Variants in TAF6L observed in about 807,000 individuals in gnomAD.
TAF6L encodes TATA-box binding protein associated factor 6 like, also known as TAF6-like RNA polymerase II p300/CBP-associated factor-associated factor 65 kDa subunit 6L.
TAF6L carries 34 observed loss-of-function variants against 57.3 expected under a neutral mutation model. That is an observed-to-expected ratio of 0.59 (90% confidence interval 0.45 to 0.79). TAF6L has a LOEUF of 0.79. Among genes scored for constraint, TAF6L ranks in the 30% least tolerant of loss-of-function variants. The pLI is 0.00. For synonymous variants in TAF6L, 417 were observed against 376.3 expected (o/e 1.11, Z -1.25); for missense variants, 782 against 853.2 (o/e 0.92, Z 1.04).
rs202236001 is a variant in TAF6L, at chr11:62,782,828, G to A, written c.960+3G>A. ...GGCTGCATGCTCTTGGCTGGAAGGT[G>A]AGCACCCTGGCCTTTCTCACACAGC... On this transcript the variant is annotated splice_donor_region_variant and intron_variant, in intron 9 of 10. Coordinates refer to ENST00000294168, the MANE Select transcript of TAF6L (RefSeq NM_006473.4). 29 of 1,613,984 alleles carry A rather than the reference G, an allele frequency of 1.8e-5. No homozygotes were observed. The Admixed American group carries it at 2.8e-4, about 16-fold the overall frequency.
intron 2 of TAF6L, among the ~76,000 whole-genome samples, chr11:62,776,148 T>C (rs2084186646): frequency 6.6e-6 from 1 of 152,170 alleles, no homozygotes; most frequent in African/African-American, 2.4e-5. Context: ...AACAGCCCTG[T>C]TGGGCAGGCA....
chr11:62,784,541 C>T (rs1372065743), intron 9 of TAF6L, among the ~76,000 whole-genome samples: 1 of 152,024 alleles, frequency 6.6e-6, no homozygotes, highest in Non-Finnish European at 1.5e-5. Context: ...CTCCTGGCCT[C>T]ATGATCCGCC....
chr11:62,779,622 G>A (rs551220195), intron 6 of TAF6L, among the ~76,000 whole-genome samples: 1 of 149,154 alleles, frequency 6.7e-6, no homozygotes, highest in Non-Finnish European at 1.5e-5. Flanking sequence ...CACTGTGCCC[G>A]GCCTAATTCT....
chr11:62,774,775 C>G (rs949430978), intron 1 of TAF6L: 6 of 368,612 alleles, frequency 1.6e-5, no homozygotes, highest in Non-Finnish European at 2.8e-5. Flanking sequence ...ATGGCGAAAT[C>G]TTGTTTCTAC....
At chr11:62,784,475 T>TTTTTGTATTTTTAG (rs2134722885) in intron 9 of TAF6L, among the ~76,000 whole-genome samples, 1 of 150,858 alleles carries the variant, frequency 6.6e-6, no homozygotes, top group East Asian at 2.0e-4. Flanking sequence ...CCCGGCTAAT[T>TTTTTGTATTTTTAG]TTTTGTATTT....
rs753182028 is a variant in TAF6L, at chr11:62,778,027, G to A, written c.284G>A (p.Arg95Lys). Residue 95 changes from arginine (R) to lysine (K), a missense_variant, in exon 4 of 11, where the codon AGG becomes AAG. Coordinates refer to ENST00000294168, the MANE Select transcript of TAF6L (RefSeq NM_006473.4). ...SQEALPMRPA[R>K]EGELYFPEDR... The stretch of plus-strand genomic sequence containing the variant: ...GAGGCACTGCCCATGCGCCCCGCCA[G>A]GGAGGGTGAACTCTACTTTCCTGAG... 2 of 1,614,092 alleles carry A rather than the reference G, an allele frequency of 1.2e-6. No homozygotes were observed. Among genetic ancestry groups the A allele is most frequent in the African/African-American group, 1.3e-5 (1 of 74,922 alleles).
At chr11:62,783,490 A>T (rs1288930171) in intron 9 of TAF6L, among the ~76,000 whole-genome samples, 3 of 151,950 alleles carry the variant, frequency 2.0e-5, no homozygotes, top group African/African-American at 7.2e-5. Flanking sequence ...TCAAAAAAAA[A>T]AAAAAGTTAG....
In TAF6L at chr11:62,786,305, A is replaced by G; in HGVS notation, c.1006A>G (p.Asn336Asp). 1 of 1,614,172 alleles carries G rather than the reference A, an allele frequency of 6.2e-7. No homozygotes were observed. Among genetic ancestry groups the G allele is most frequent in the Non-Finnish European group, 8.5e-7 (1 of 1,180,008 alleles). The part of the protein sequence containing the change: ...LYPHLSTYWT[N>D]LQAVLDDYSV... ...CCCACACCTGTCCACCTACTGGACA[A>G]ACTTGCAGGCTGTGCTGGATGATTA... The change falls in exon 10 of 11, where the codon AAC becomes GAC. Residue 336 changes from asparagine to aspartate, a missense_variant. Transcript: ENST00000294168.
chr11:62,777,645 G>T (rs1390239971), intron 3 of TAF6L, among the ~76,000 whole-genome samples: 1 of 152,206 alleles, frequency 6.6e-6, no homozygotes, highest in African/African-American at 2.4e-5. Context: ...GGAGCGGTGA[G>T]TTGAGAGAGG....
At chr11:62,783,770 T>C (rs2084248345) in intron 9 of TAF6L, among the ~76,000 whole-genome samples, 1 of 151,732 alleles carries the variant, frequency 6.6e-6, no homozygotes, top group Non-Finnish European at 1.5e-5. Context: ...TAGCCTCAAG[T>C]GGTCTGCCTG....
chr11:62,782,878 A>AAAAAT lies in TAF6L; in HGVS notation c.960+55_960+59dup, dbSNP rs529123283. On this transcript the variant is annotated intron_variant, in intron 9 of 10. Transcript: ENST00000294168. ...CCGTAAGAACTCCCATTTGTGTTAG[A>AAAAAT]AAAATAGTACTTGTGCATCGTTATC... 462 of 1,601,214 alleles carry AAAAAT rather than the reference A, an allele frequency of 2.9e-4. No individual in the cohort carries two copies. In the South Asian group the frequency reaches 3.7e-3, roughly 13 times the overall value.
intron 9 of TAF6L, among the ~76,000 whole-genome samples, chr11:62,783,535 CTTTT>C (rs1342686734): frequency 7.5e-6 from 1 of 133,912 alleles, no homozygotes. Flanking sequence ...GAGGGAGGAT[CTTTT>C]TTTTTTTTTT....
In TAF6L at chr11:62,771,505, C is replaced by G. The variant is rs1480338078; in HGVS notation, c.-14+15C>G. The G allele has an allele frequency of 6.4e-6, 1 of 157,162 alleles. No homozygotes were observed. The highest frequency in any genetic ancestry group is 1.4e-5 in the Non-Finnish European group (1 of 70,316). The allele number at this position is 157,162 out of a possible 1,614,324, so 9.7% of individuals were successfully genotyped here. A position where few individuals can be genotyped will look rare whatever the true frequency, so the allele number is the denominator to read the frequency against. ...GGGGTCTTCAGGTGAGCAGGCCTTG[C>G]TCTGGTCCAAGGACTCCCCATTCCC... On this transcript the variant is annotated intron_variant, in intron 1 of 10. Transcript: ENST00000294168.
At chr11:62,784,111 C>G (rs1269269173) in intron 9 of TAF6L, among the ~76,000 whole-genome samples, 1 of 144,370 alleles carries the variant, frequency 6.9e-6, no homozygotes, top group Non-Finnish European at 1.5e-5. Flanking sequence ...GCCTCAGCCT[C>G]CTGAGTAGCT....
Position 62,787,327 on chromosome 11 carries a change from A to G in TAF6L, c.*31A>G, listed in dbSNP as rs781332384. 4.5e-5 allele frequency: 69 copies of G among 1,524,302 alleles called. No individual in the cohort carries two copies. The highest frequency in any genetic ancestry group is 9.6e-6 in the Non-Finnish European group (11 of 1,142,424). The allele number at this position is 1,524,302 out of a possible 1,614,324, so 94.4% of individuals were successfully genotyped here. Reference sequence around the variant, plus strand: ...TGGCCCCTTCGTTCCTTGTAAATAAATCCCGCCCCCGGAAATGACGTCTCC... The same window carrying G: ...TGGCCCCTTCGTTCCTTGTAAATAAGTCCCGCCCCCGGAAATGACGTCTCC... On this transcript the variant is annotated 3_prime_UTR_variant, in exon 11 of 11. Coordinates refer to ENST00000294168, the MANE Select transcript of TAF6L (RefSeq NM_006473.4).
chr11:62,784,846 A>C (rs1016164591), intron 9 of TAF6L, among the ~76,000 whole-genome samples: 30 of 152,186 alleles, frequency 2.0e-4, no homozygotes, highest in Admixed American at 2.0e-3. Flanking sequence ...GGGTCTGCTA[A>C]ATTTTAAAAG....
intron 9 of TAF6L, among the ~76,000 whole-genome samples, chr11:62,785,093 T>G (rs566972398): frequency 6.6e-6 from 1 of 152,112 alleles, no homozygotes; most frequent in South Asian, 2.1e-4. Flanking sequence ...TCCTTTGGCC[T>G]TCCCAAAGTG....
intron 1 of TAF6L, chr11:62,772,224 G>C: frequency 2.2e-6 from 1 of 445,866 alleles, no homozygotes; most frequent in Non-Finnish European, 4.5e-6. Flanking sequence ...CTCAGGCATA[G>C]TACAGTGCTA....
At chr11:62,782,472 G>T in intron 8 of TAF6L, 139 bp downstream of exon 8, 1 of 1,056,552 alleles carries the variant, frequency 9.5e-7, no homozygotes, top group East Asian at 2.5e-5. Flanking sequence ...CCTAGCTGGT[G>T]TGCTGTGACA....
Sources: gnomAD v4.1 joint callset for allele counts (sites outside exome capture counted in the v4.1 genomes callset) on GRCh38, gnomAD v4.1.1 for gene constraint, MANE v1.5 for transcripts, NCBI Gene and HGNC (gene_info 2026-07-23, HGNC 2026-07-21) for gene names.